Variants in TPGS2 observed in about 807,000 individuals in gnomAD.
The protein encoded by TPGS2 is tubulin polyglutamylase complex subunit 2, also known as polyglutamylase subunit 2.
In TPGS2, 26 loss-of-function variants were observed where a neutral mutation model predicts 31.1. The observed-to-expected ratio is 0.84, with a 90% CI of 0.61 to 1.16. The LOEUF (loss-of-function observed/expected upper bound fraction) is 1.16, where lower values mean the gene tolerates loss of function less well. Among genes scored for constraint, TPGS2 ranks in the 50% most tolerant of loss-of-function variants. The pLI, the probability that TPGS2 is intolerant of heterozygous loss-of-function variation, is 0.00. For missense variants in TPGS2, 351 were observed against 363.8 expected, an observed-to-expected ratio of 0.96 and a Z score of 0.29; for synonymous variants, 130 against 136.6, an observed-to-expected ratio of 0.95 and a Z score of 0.34.
intron 1 of TPGS2, among the ~76,000 whole-genome samples, chr18:36,821,850 G>A (rs914291060): frequency 5.3e-5 from 8 of 152,138 alleles, no homozygotes; most frequent in African/African-American, 1.9e-4. Context: ...CCTGTTCCCC[G>A]CTGGCGTGCT....
chr18:36,817,061 T>C (rs1366354584), intron 2 of TPGS2, among the ~76,000 whole-genome samples: 1 of 152,186 alleles, frequency 6.6e-6, no homozygotes, highest in East Asian at 1.9e-4. Context: ...CAGGAACAGG[T>C]GTTGACAGGA....
intron 2 of TPGS2, among the ~76,000 whole-genome samples, chr18:36,816,216 T>C (rs1283013938): frequency 1.3e-5 from 2 of 152,176 alleles, no homozygotes; most frequent in African/African-American, 4.8e-5. Flanking sequence ...CTGATGGCTA[T>C]TTATCTAGCA....
rs567009745 is a variant in TPGS2, at chr18:36,796,279, A to C, written c.*526T>G. 4.4e-4 allele frequency: 437 copies of C among 985,098 alleles called. 2 individuals carry two copies. The Middle Eastern group carries it at 0.01, about 24-fold the overall frequency. 61.0% of individuals were successfully genotyped at this position (985,098 alleles called of 1,614,324 possible). ...ATTCTAATGCAGTGCTGTCCAACAG[A>C]ACTTTCTGTGGTGATGGAAATGTTC... On this transcript the variant is annotated 3_prime_UTR_variant, in exon 7 of 7. Coordinates refer to ENST00000334295, the MANE Select transcript of TPGS2 (RefSeq NM_015476.4).
chr18:36,824,039 C>T (rs1213513871), intron 1 of TPGS2, among the ~76,000 whole-genome samples: 1 of 152,188 alleles, frequency 6.6e-6, no homozygotes, highest in Admixed American at 6.5e-5. Flanking sequence ...TTAGCAGTCC[C>T]CTCTCCTACC....
chr18:36,816,007 T>G (rs766510027), intron 2 of TPGS2, among the ~76,000 whole-genome samples: 1 of 152,148 alleles, frequency 6.6e-6, no homozygotes, highest in Non-Finnish European at 1.5e-5. Context: ...TATATTAGAT[T>G]TGGCATATTT....
intron 4 of TPGS2, among the ~76,000 whole-genome samples, chr18:36,801,363 A>C (rs970651374): frequency 4.6e-5 from 7 of 151,990 alleles, no homozygotes; most frequent in African/African-American, 1.7e-4. Context: ...CAGGGTCTCC[A>C]CTCTATCACC....
Position 36,818,876 on chromosome 18 carries a change from T to A in TPGS2, c.165+18A>T. The A allele has an allele frequency of 1.2e-6, 2 of 1,607,552 alleles. No individual in the cohort carries two copies. The highest frequency in any genetic ancestry group is 1.7e-6 in the Non-Finnish European group (2 of 1,175,038). On this transcript the variant is annotated intron_variant, in intron 2 of 6. Transcript: ENST00000334295. ...ACCTCTCTTTGATGGGAGGTAGAGTTCATGTGGCAACACTTACTTGTTCCC... is the reference window on the plus strand; with the variant it reads ...ACCTCTCTTTGATGGGAGGTAGAGTACATGTGGCAACACTTACTTGTTCCC...
chr18:36,798,088 C>T, intron 6 of TPGS2: 1 of 996,140 alleles, frequency 1.0e-6, no homozygotes, highest in Non-Finnish European at 1.2e-6. Context: ...TAGCAGCTGC[C>T]ACTGGGGATG....
rs1600736685 is a variant in TPGS2 at position 36,794,872 on chromosome 18, C to T, written c.*1933G>A. On this transcript the variant is annotated 3_prime_UTR_variant, in exon 7 of 7. Transcript: ENST00000334295. ...ACACACACACACACACACACACACACACACACACACGTTTAAATGACCACA... is the reference window on the plus strand; with the variant it reads ...ACACACACACACACACACACACACATACACACACACGTTTAAATGACCACA... The T allele has an allele frequency of 5.3e-6, 5 of 951,152 alleles. No individual in the cohort carries two copies. In the South Asian group the frequency reaches 2.0e-4, roughly 38 times the overall value. The allele number at this position is 951,152 out of a possible 1,614,324, so 58.9% of individuals were successfully genotyped here. A position where few individuals can be genotyped will look rare whatever the true frequency, so the allele number is the denominator to read the frequency against.
At position 36,818,904 on chromosome 18, in the gene TPGS2, G is replaced by A. The variant is rs2045777070; in HGVS notation, c.155C>T (p.Ser52Phe). 6.2e-7 allele frequency: 1 copy of A among 1,613,538 alleles called. No homozygotes were observed. Among genetic ancestry groups the A allele is most frequent in the South Asian group, 1.1e-5 (1 of 91,014 alleles). ...TGTGGCAACACTTACTTGTTCCCAG[G>A]AAGAAATCATATGACGTTCAGCAGG... ...KPPAERHMISSWEQKNNCVMP... is the reference protein window; with the variant it reads ...KPPAERHMISFWEQKNNCVMP... The change falls in exon 2 of 7, where the codon TCC becomes TTC. Residue 52 changes from serine (S) to phenylalanine (F), a missense_variant. By Grantham distance (155) the Ser-to-Phe change is radical (BLOSUM62 -2). Transcript: ENST00000334295.
chr18:36,809,957 C>T (rs1305090647), intron 2 of TPGS2, among the ~76,000 whole-genome samples: 1 of 151,874 alleles, frequency 6.6e-6, no homozygotes, highest in Non-Finnish European at 1.5e-5. Flanking sequence ...TTATTTTATA[C>T]CAATATTTTT....
chr18:36,814,927 A>G (rs1049318651), intron 2 of TPGS2, among the ~76,000 whole-genome samples: 1 of 152,224 alleles, frequency 6.6e-6, no homozygotes, highest in African/African-American at 2.4e-5. Context: ...TCAGGGATAG[A>G]GTCTGCAGGG....
At chr18:36,797,289 T>G (rs1468835008) in intron 6 of TPGS2, among the ~76,000 whole-genome samples, 2 of 152,136 alleles carry the variant, frequency 1.3e-5, no homozygotes. Flanking sequence ...AAATGCAGTA[T>G]GAAAACTAAG....
Position 36,795,498 on chromosome 18 carries a change from C to T in TPGS2, c.*1307G>A. On this transcript the variant is annotated 3_prime_UTR_variant, in exon 7 of 7. Transcript: ENST00000334295. ...ACTTGGGGCTAGGTGGGTGACTCCC[C>T]ACTTTCCCTGTTGGGAAGCAGGGTG... The T allele has an allele frequency of 1.0e-6, 1 of 985,438 alleles. No homozygotes were observed. Among genetic ancestry groups the T allele is most frequent in the South Asian group, 4.7e-5 (1 of 21,276 alleles). The allele number at this position is 985,438 out of a possible 1,614,324, so 61.0% of individuals were successfully genotyped here.
chr18:36,781,355 C>T (rs2044008955), downstream of TPGS2, among the ~76,000 whole-genome samples: 1 of 152,150 alleles, frequency 6.6e-6, no homozygotes, highest in Non-Finnish European at 1.5e-5. Flanking sequence ...CTTTGTCCTA[C>T]TTTTAAAACC....
At chr18:36,826,738 C>T (rs567907320) in intron 1 of TPGS2, among the ~76,000 whole-genome samples, 10 of 152,244 alleles carry the variant, frequency 6.6e-5, no homozygotes, top group African/African-American at 2.2e-4. Flanking sequence ...TCCTGTAATC[C>T]TTGCGTCAAA....
rs2044445438 is a variant in TPGS2, at chr18:36,794,814, C to G, written c.*1991G>C. On this transcript the variant is annotated 3_prime_UTR_variant, in exon 7 of 7. Coordinates refer to ENST00000334295, the MANE Select transcript of TPGS2 (RefSeq NM_015476.4). ...AAAATGTCTCCTAGAGAATATGTGA[C>G]AGTCATGTTATGGTTAAAACACACA... The G allele has an allele frequency of 1.3e-5, 13 of 980,706 alleles. No individual in the cohort carries two copies. The highest frequency in any genetic ancestry group is 1.6e-5 in the Non-Finnish European group (13 of 829,252). The allele number at this position is 980,706 out of a possible 1,614,324, so 60.8% of individuals were successfully genotyped here.
rs762565101 is a variant in TPGS2, at chr18:36,805,360, T to C, written c.382+14A>G. ...ATGCTGGAAACAAAGATACCAACCTTGGTATCTTCCTACCTTCATGTGTAT... is the reference window on the plus strand; with the variant it reads ...ATGCTGGAAACAAAGATACCAACCTCGGTATCTTCCTACCTTCATGTGTAT... On this transcript the variant is annotated intron_variant, in intron 4 of 6. Coordinates refer to ENST00000334295, the MANE Select transcript of TPGS2 (RefSeq NM_015476.4). 2 of 1,613,396 alleles carry C rather than the reference T, an allele frequency of 1.2e-6. No homozygotes were observed. The highest frequency in any genetic ancestry group is 2.2e-5 in the South Asian group (2 of 91,056).
intron 6 of TPGS2, among the ~76,000 whole-genome samples, chr18:36,785,304 A>C (rs932481429): frequency 6.6e-6 from 1 of 152,152 alleles, no homozygotes; most frequent in Admixed American, 6.5e-5. Flanking sequence ...TCTCAAAAAA[A>C]AATTTCCTGA....
Sources: allele counts gnomAD v4.1 joint callset (sites outside exome capture counted in the v4.1 genomes callset), GRCh38; gene constraint gnomAD v4.1.1; transcripts MANE v1.5; gene names NCBI Gene and HGNC (gene_info 2026-07-23, HGNC 2026-07-21).